MSI2: variants seen among roughly 807,000 people sequenced by gnomAD.
MSI2 encodes RNA-binding protein Musashi homolog 2.
A neutral mutation model predicts 45.6 loss-of-function variants in MSI2; 17 were observed. That is an observed-to-expected ratio of 0.37 (90% CI 0.26 to 0.56). The LOEUF is 0.56. Among genes scored for constraint, MSI2 ranks in the 20% least tolerant of loss-of-function variants. MSI2 has a pLI of 0.77. For missense variants in MSI2, 293 were observed against 444.2 expected (o/e 0.66, Z 3.06); for synonymous variants, 156 against 158.2 (o/e 0.99, Z 0.11).
chr17:57,532,718 GA>G (rs2144080931), intron 7 of MSI2, among the ~76,000 whole-genome samples: 1 of 152,294 alleles, frequency 6.6e-6, no homozygotes, highest in South Asian at 2.1e-4. Flanking sequence ...TGCTGTCCAT[GA>G]TCTTATCAAG....
intron 7 of MSI2, among the ~76,000 whole-genome samples, chr17:57,573,544 G>A (rs914423946): frequency 2.0e-5 from 3 of 152,166 alleles, no homozygotes; most frequent in Non-Finnish European, 4.4e-5. Flanking sequence ...AGTTGCTCAG[G>A]GTGATAGAGC....
At chr17:57,530,408 T>G (rs2086797595) in intron 7 of MSI2, among the ~76,000 whole-genome samples, 1 of 152,224 alleles carries the variant, frequency 6.6e-6, no homozygotes, top group African/African-American at 2.4e-5. Flanking sequence ...GCCCTGCCCT[T>G]AGTCTCTTCC....
chr17:57,264,344 G>A (rs1231885724), intron 5 of MSI2: 3 of 151,994 alleles, frequency 2.0e-5, no homozygotes, highest in African/African-American at 7.3e-5. Flanking sequence ...ACGTTGCATG[G>A]TAATGCCATA....
intron 6 of MSI2, among the ~76,000 whole-genome samples, chr17:57,454,071 A>G (rs1053564872): frequency 1.3e-5 from 2 of 152,242 alleles, no homozygotes; most frequent in African/African-American, 4.8e-5. Context: ...CACAGGGCAG[A>G]AGGCTCAGTG....
intron 5 of MSI2, among the ~76,000 whole-genome samples, chr17:57,269,707 T>A (rs1278118353): frequency 6.6e-6 from 1 of 152,228 alleles, no homozygotes; most frequent in Admixed American, 6.5e-5. Context: ...GACCTCACCA[T>A]GTGTAGACAG....
At chr17:57,517,574 G>T (rs2086496262) in intron 6 of MSI2, among the ~76,000 whole-genome samples, 1 of 152,198 alleles carries the variant, frequency 6.6e-6, no homozygotes, top group South Asian at 2.1e-4. Context: ...TGGGCGGGAA[G>T]TGGAAAGGTG....
intron 6 of MSI2, among the ~76,000 whole-genome samples, chr17:57,485,649 A>G (rs1286641643): frequency 6.6e-6 from 1 of 152,192 alleles, no homozygotes; most frequent in Non-Finnish European, 1.5e-5. Context: ...ATATGTAGTG[A>G]TGAGCTTCCT....
rs1391687132 is a variant in MSI2 at position 57,610,966 on chromosome 17, A to G, written c.538-5004A>G. On this transcript the variant is annotated intron_variant, in intron 8 of 13. Coordinates refer to ENST00000284073, the MANE Select transcript of MSI2 (RefSeq NM_138962.4). ...CCTGGTATTGGGAGTGTTTTGTGGC[A>G]TTGCCAGCTGTGCACCTTGAAAACA... Among the ~76,000 whole-genome samples, 7 of 95,100 alleles carry G rather than the reference A, an allele frequency of 7.4e-5. 3 individuals carry two copies. In the East Asian group the frequency reaches 1.3e-3, roughly 18 times the overall value. The allele number at this position is 95,100 out of a possible 152,430, so 62.4% of individuals were successfully genotyped here. A position where few individuals can be genotyped will look rare whatever the true frequency, so the allele number is the denominator to read the frequency against.
intron 6 of MSI2, among the ~76,000 whole-genome samples, chr17:57,427,716 G>C (rs1291832310): frequency 6.6e-6 from 1 of 152,102 alleles, no homozygotes; most frequent in Non-Finnish European, 1.5e-5. Context: ...ATCCATATGG[G>C]AATCTCATCC....
intron 8 of MSI2, among the ~76,000 whole-genome samples, chr17:57,614,981 A>C (rs79206346): frequency 0.011 from 1,601 of 152,296 alleles, 24 homozygotes; most frequent in African/African-American, 0.037. Context: ...GAACAGAATC[A>C]GTGTTTAATC....
chr17:57,345,932 C>T (rs1567771078), intron 5 of MSI2, among the ~76,000 whole-genome samples: 2 of 151,908 alleles, frequency 1.3e-5, no homozygotes, highest in Non-Finnish European at 1.5e-5. Flanking sequence ...GCCCTGTCTT[C>T]GTAGGCTCCT....
At chr17:57,650,572 A>G (rs1911060324) in intron 10 of MSI2, among the ~76,000 whole-genome samples, 1 of 152,084 alleles carries the variant, frequency 6.6e-6, no homozygotes, top group South Asian at 2.1e-4. Context: ...CATGGTCTCC[A>G]TGGGAGCTTG....
At position 57,340,191 on chromosome 17, in the gene MSI2, C is replaced by T. The variant is rs144237414; in HGVS notation, c.313-61188C>T. ...AAGGTATTATTCTTACCTTACTAGG[C>T]TTCAAAGAGGCTCAGATCCATGGAG... On this transcript the variant is annotated intron_variant, in intron 5 of 13. Transcript: ENST00000284073. Among the ~76,000 whole-genome samples, 55 of 152,324 alleles carry T rather than the reference C, an allele frequency of 3.6e-4. 1 individual carries two copies. Among genetic ancestry groups the T allele is most frequent in the African/African-American group, 8.2e-4 (34 of 41,564 alleles).
At chr17:57,383,756 G>T (rs543992059) in intron 5 of MSI2, among the ~76,000 whole-genome samples, 2 of 152,190 alleles carry the variant, frequency 1.3e-5, no homozygotes, top group Non-Finnish European at 2.9e-5. Context: ...ACCACTACAA[G>T]CATATGGTGG....
intron 6 of MSI2, among the ~76,000 whole-genome samples, chr17:57,440,406 T>A (rs2143458561): frequency 8.6e-6 from 1 of 116,186 alleles, no homozygotes; most frequent in Non-Finnish European, 1.8e-5. Context: ...ACCTGGGGTT[T>A]GTTATCCGTG....
At chr17:57,644,789 A>T (rs1248663582) in intron 10 of MSI2, among the ~76,000 whole-genome samples, 1 of 152,156 alleles carries the variant, frequency 6.6e-6, no homozygotes, top group African/African-American at 2.4e-5. Flanking sequence ...GGTGATGCAT[A>T]TTACAAAAGA....
At chr17:57,463,393 T>C (rs1396614834) in intron 6 of MSI2, among the ~76,000 whole-genome samples, 1 of 152,138 alleles carries the variant, frequency 6.6e-6, no homozygotes, top group Non-Finnish European at 1.5e-5. Context: ...CTCAGAGTTT[T>C]GAGAAAGCCA....
At chr17:57,530,360 G>T (rs1473316863) in intron 7 of MSI2, among the ~76,000 whole-genome samples, 1 of 152,206 alleles carries the variant, frequency 6.6e-6, no homozygotes, top group Non-Finnish European at 1.5e-5. Flanking sequence ...CTTGGGTGAA[G>T]ATCCCTAGGT....
intron 8 of MSI2, among the ~76,000 whole-genome samples, chr17:57,602,510 G>A (rs1049576818): frequency 1.3e-5 from 2 of 152,038 alleles, no homozygotes; most frequent in African/African-American, 4.8e-5. Context: ...GCGCCACCAC[G>A]CCCAGCTAAT....
Sources: gnomAD v4.1 joint callset for allele counts (sites outside exome capture counted in the v4.1 genomes callset) on GRCh38, gnomAD v4.1.1 for gene constraint, MANE v1.5 for transcripts, NCBI Gene and HGNC (gene_info 2026-07-23, HGNC 2026-07-21) for gene names.